ARNT2: variants seen among roughly 807,000 people sequenced by gnomAD.
ARNT2 encodes aryl hydrocarbon receptor nuclear translocator 2.
In ARNT2, 36 loss-of-function variants were observed where a neutral mutation model predicts 91.7. The observed-to-expected ratio is 0.39, with a 90% CI of 0.30 to 0.52. ARNT2 has a LOEUF of 0.52. Among genes scored for constraint, ARNT2 ranks in the 20% least tolerant of loss-of-function variants. The pLI is 0.72. For missense variants in ARNT2, 775 were observed against 939.3 expected, an observed-to-expected ratio of 0.83 and a Z score of 2.29; for synonymous variants, 365 against 347.1, an observed-to-expected ratio of 1.05 and a Z score of -0.57.
intron 5 of ARNT2, among the ~76,000 whole-genome samples, chr15:80,479,907 C>T (rs974193706): frequency 6.6e-6 from 1 of 152,048 alleles, no homozygotes; most frequent in African/African-American, 2.4e-5. Context: ...AGAAGATTCC[C>T]TCTTGGAGGA....
chr15:80,438,705 G>A (rs1051238305), intron 1 of ARNT2, among the ~76,000 whole-genome samples: 1 of 152,040 alleles, frequency 6.6e-6, no homozygotes, highest in Non-Finnish European at 1.5e-5. Flanking sequence ...TTTTTGGGGT[G>A]GGGGGATGGA....
intron 1 of ARNT2, among the ~76,000 whole-genome samples, chr15:80,437,922 T>TACACGC (rs533416807): frequency 7.1e-6 from 1 of 141,562 alleles, no homozygotes; most frequent in Non-Finnish European, 1.5e-5. Context: ...TGTATTTACC[T>TACACGC]ACACACACAC....
chr15:80,563,645 G>A (rs1898414180), intron 12 of ARNT2, among the ~76,000 whole-genome samples: 1 of 152,208 alleles, frequency 6.6e-6, no homozygotes, highest in South Asian at 2.1e-4. Flanking sequence ...GAGGAAGGGA[G>A]GCTGAGCCTC....
intron 1 of ARNT2, among the ~76,000 whole-genome samples, chr15:80,448,091 T>C (rs1896331777): frequency 6.6e-6 from 1 of 152,168 alleles, no homozygotes; most frequent in East Asian, 1.9e-4. Flanking sequence ...TCCCAAGCAC[T>C]ATGTTAGGCT....
At chr15:80,448,827 C>CA (rs1396769527) in intron 1 of ARNT2, among the ~76,000 whole-genome samples, 1 of 151,660 alleles carries the variant, frequency 6.6e-6, no homozygotes, top group Non-Finnish European at 1.5e-5. Flanking sequence ...ACTAAAAATA[C>CA]AAAAAAAATT....
chr15:80,574,273 C>G (rs1898631040), intron 13 of ARNT2, 53 bp downstream of exon 13: 1 of 1,543,362 alleles, frequency 6.5e-7, no homozygotes, highest in African/African-American at 1.4e-5. Context: ...GCCCAATGGA[C>G]TTGGGACTCA....
chr15:80,533,882 C>T (rs1271604475), intron 8 of ARNT2, among the ~76,000 whole-genome samples: 2 of 152,194 alleles, frequency 1.3e-5, no homozygotes, highest in Non-Finnish European at 1.5e-5. Flanking sequence ...TGTTGTGCCC[C>T]CTCATTCCAT....
chr15:80,518,915 C>G (rs1897486292), intron 8 of ARNT2, among the ~76,000 whole-genome samples: 1 of 151,952 alleles, frequency 6.6e-6, no homozygotes, highest in African/African-American at 2.4e-5. Context: ...TTATCTCCCC[C>G]TACCAGAGAT....
rs1384194086 is a variant in ARNT2, at chr15:80,563,097, C to A, written c.1174C>A (p.Leu392Met). The change falls in exon 12 of 19, where the codon CTG (leucine) becomes ATG (methionine). Residue 392 changes from leucine (L) to methionine (M), a missense_variant. Leu to Met is a conservative substitution (Grantham distance 15). Coordinates refer to ENST00000303329, the MANE Select transcript of ARNT2 (RefSeq NM_014862.4). The stretch of plus-strand genomic sequence containing the variant: ...CCAAATGTTTTCTCAGGTGGTTAAG[C>A]TGAAAGGCCAAGTCCTGTCGGTCAT... ...LRESFQQVVK[L>M]KGQVLSVMYR... The A allele has an allele frequency of 6.2e-7, 1 of 1,614,180 alleles. No homozygotes were observed. Among genetic ancestry groups the A allele is most frequent in the Admixed American group, 1.7e-5 (1 of 60,020 alleles).
intron 15 of ARNT2, among the ~76,000 whole-genome samples, chr15:80,577,672 C>A (rs543268071): frequency 6.6e-6 from 1 of 152,250 alleles, no homozygotes; most frequent in Non-Finnish European, 1.5e-5. Context: ...TGGCCAGACC[C>A]TAAGCAGAGC....
At chr15:80,551,387 T>C in intron 9 of ARNT2, 112 bp downstream of exon 9, 1 of 1,018,174 alleles carries the variant, frequency 9.8e-7, no homozygotes, top group Non-Finnish European at 1.5e-6. Context: ...TTGGTATTTG[T>C]TGGGTTTCGT....
intron 3 of ARNT2, among the ~76,000 whole-genome samples, chr15:80,468,098 C>G (rs1472201165): frequency 6.6e-6 from 1 of 152,158 alleles, no homozygotes; most frequent in Non-Finnish European, 1.5e-5. Flanking sequence ...AGCAGTTTCT[C>G]CTGGAGAGTA....
chr15:80,552,831 AC>A, intron 10 of ARNT2, 57 bp downstream of exon 10: 1 of 1,580,324 alleles, frequency 6.3e-7, no homozygotes, highest in Non-Finnish European at 8.6e-7. Context: ...TGTTTTTAAA[AC>A]ATTCTTACTT....
chr15:80,441,412 A>G (rs576458122), intron 1 of ARNT2: 1 of 982,830 alleles, frequency 1.0e-6, no homozygotes, highest in African/African-American at 1.7e-5. Flanking sequence ...CTTTCTGTGA[A>G]GAGAATTGTT....
intron 5 of ARNT2, among the ~76,000 whole-genome samples, chr15:80,507,765 G>A (rs918329490): frequency 6.6e-6 from 1 of 152,196 alleles, no homozygotes; most frequent in Admixed American, 6.5e-5. Flanking sequence ...GTGCGCGGTC[G>A]CATAAAGCCC....
chr15:80,506,982 G>C (rs1361122702), intron 5 of ARNT2, among the ~76,000 whole-genome samples: 1 of 152,208 alleles, frequency 6.6e-6, no homozygotes, highest in Non-Finnish European at 1.5e-5. Flanking sequence ...GGCTGGAGCA[G>C]CTGCCATGGA....
Position 80,522,820 on chromosome 15 carries a change from G to GTGTGTGTA in ARNT2, c.877+8416_877+8417insGTGTGTAT, listed in dbSNP as rs548555538. Among the ~76,000 whole-genome samples the GTGTGTGTA allele has an allele frequency of 7.5e-3, 1,014 of 135,720 alleles. 18 individuals are homozygous for GTGTGTGTA. The highest frequency in any genetic ancestry group is 0.012 in the Non-Finnish European group (787 of 63,582). The allele number at this position is 135,720 out of a possible 152,430, so 89.0% of individuals were successfully genotyped here. On this transcript the variant is annotated intron_variant, in intron 8 of 18. Transcript: ENST00000303329. ...CATATGTGTGTGTGTGTGTGTGTGT[G>GTGTGTGTA]TATATATATATATATACACACATTA... is the stretch of plus-strand genomic sequence containing the variant.
intron 5 of ARNT2, among the ~76,000 whole-genome samples, chr15:80,494,914 T>C (rs1897105156): frequency 1.3e-5 from 2 of 152,182 alleles, no homozygotes; most frequent in African/African-American, 4.8e-5. Flanking sequence ...TCCTGCTGCC[T>C]GCTCCTTGCC....
intron 11 of ARNT2, chr15:80,555,655 G>A (rs1257744555): frequency 6.5e-6 from 1 of 153,112 alleles, no homozygotes; most frequent in Non-Finnish European, 1.5e-5. Context: ...GAAGAACATG[G>A]ATTCTCTCCT....
Sources: gnomAD v4.1 joint callset for allele counts (sites outside exome capture counted in the v4.1 genomes callset) on GRCh38, gnomAD v4.1.1 for gene constraint, MANE v1.5 for transcripts, NCBI Gene and HGNC (gene_info 2026-07-23, HGNC 2026-07-21) for gene names.